Variants in POU2F2 observed in about 807,000 individuals in gnomAD.
POU2F2 encodes the protein POU domain, class 2, transcription factor 2.
Under a neutral mutation model 63.5 loss-of-function variants are expected in POU2F2, and 14 were observed. That is an observed-to-expected ratio of 0.22 (90% CI 0.15 to 0.34). The LOEUF (loss-of-function observed/expected upper bound fraction) is 0.34, where lower values mean the gene tolerates loss of function less well. POU2F2 is among the 10% of genes least tolerant of loss of function. POU2F2 has a pLI of 1.00. For synonymous variants in POU2F2, 306 were observed against 348.6 expected (o/e 0.88, Z 1.36); for missense variants, 607 against 815.2 (o/e 0.74, Z 3.11).
At chr19:42,121,354 C>A (rs1568387544) in intron 4 of POU2F2, among the ~76,000 whole-genome samples, 1 of 152,164 alleles carries the variant, frequency 6.6e-6, no homozygotes, top group Non-Finnish European at 1.5e-5. Flanking sequence ...ATGGAGGCAA[C>A]CACAGAGGCC....
intron 5 of POU2F2, among the ~76,000 whole-genome samples, chr19:42,100,085 CTTTTTTTTTTTTTTTTTTTT>C (rs948283094): frequency 1.3e-5 from 1 of 77,068 alleles, no homozygotes. Context: ...CCCTTTCTTT[CTTTTTTTTTTTTTTTTTTTT>C]TTTTTTTTTT....
intron 1 of POU2F2, among the ~76,000 whole-genome samples, chr19:42,191,060 C>T (rs1422422355): frequency 1.5e-5 from 2 of 133,624 alleles, no homozygotes; most frequent in Non-Finnish European, 3.1e-5. Flanking sequence ...GGTGACAGAG[C>T]GAGACTCAGT....
At position 42,087,109 on chromosome 19, in the gene POU2F2, A is replaced by T. The variant is rs2076574607; in HGVS notation, c.*4148T>A. The T allele has an allele frequency of 1.4e-5, 2 of 142,806 alleles. No individual in the cohort carries two copies. The highest frequency in any genetic ancestry group is 2.0e-4 in the East Asian group (1 of 5,024). 8.8% of individuals were successfully genotyped at this position (142,806 alleles called of 1,614,324 possible). ...AATTTTTTTTCACTTTTTTTCCAAC[A>T]TATAAAAAGGTAGCGGAGTTGTCTG... On this transcript the variant is annotated 3_prime_UTR_variant, in exon 15 of 15. Transcript: ENST00000692977.
chr19:42,121,956 C>T lies in POU2F2; in HGVS notation c.186+170G>A, dbSNP rs915482495. 44 of 683,890 alleles carry T rather than the reference C, an allele frequency of 6.4e-5. No individual in the cohort carries two copies. The South Asian group carries it at 6.5e-4, about 10-fold the overall frequency. The allele number at this position is 683,890 out of a possible 1,614,324, so 42.4% of individuals were successfully genotyped here. A position where few individuals can be genotyped will look rare whatever the true frequency, so the allele number is the denominator to read the frequency against. ...CCCCTAGGGAAGGGGAAGGAGCCTG[C>T]GTGAGTCACAGGCCTGGGGTGGGAG... On this transcript the variant is annotated intron_variant, in intron 4 of 14. Transcript: ENST00000692977.
Position 42,092,005 on chromosome 19 carries a change from T to C in POU2F2, c.1466+64A>G. On this transcript the variant is annotated intron_variant, in intron 13 of 14. Transcript: ENST00000692977. This position sits in a 1 kb window ranked among gnomAD's most constrained non-coding sequence, Gnocchi z 5.0. ...CCTGCCAACATAACTGGGGTGCCGC[T>C]CCCCACCCTAGAAGCAGCAGCGACC... 1 of 1,542,076 alleles carries C rather than the reference T, an allele frequency of 6.5e-7. No individual in the cohort carries two copies. The highest frequency in any genetic ancestry group is 2.0e-5 in the Admixed American group (1 of 49,298).
At position 42,169,401 on chromosome 19, in the gene POU2F2, C is replaced by T. The variant is rs903701408; in HGVS notation, c.-70+6562G>A. Among the ~76,000 whole-genome samples, 7 of 152,256 alleles carry T rather than the reference C, an allele frequency of 4.6e-5. No homozygotes were observed. Among genetic ancestry groups the T allele is most frequent in the Non-Finnish European group, 8.8e-5 (6 of 68,050 alleles). ...AGAGGTCTCAGCACCTATGTGCCTG[C>T]ACAGACATCTGGGTTTTCATACCTG... On this transcript the variant is annotated intron_variant, in intron 1 of 6. Coordinates refer to the POU2F2 transcript ENST00000524801. This position sits in a 1 kb window ranked among gnomAD's most constrained non-coding sequence, Gnocchi z 4.3.
Position 42,132,417 on chromosome 19 carries a change from C to T in POU2F2, c.-6G>A. Reference sequence around the variant, plus strand: ...CCCATGCTGGAGTGAACCATGCTGCCCGCCCCGCCAGGGCTGGGGGAACAA... The same window carrying T: ...CCCATGCTGGAGTGAACCATGCTGCTCGCCCCGCCAGGGCTGGGGGAACAA... On this transcript the variant is annotated 5_prime_UTR_variant, in exon 1 of 15. Coordinates refer to ENST00000692977, the MANE Select transcript of POU2F2 (RefSeq NM_001394376.1). The T allele has an allele frequency of 6.6e-7, 1 of 1,507,434 alleles. No homozygotes were observed. The highest frequency in any genetic ancestry group is 8.8e-7 in the Non-Finnish European group (1 of 1,131,058). The allele number at this position is 1,507,434 out of a possible 1,614,324, so 93.4% of individuals were successfully genotyped here.
chr19:42,116,880 G>T, intron 5 of POU2F2: 1 of 457,168 alleles, frequency 2.2e-6, no homozygotes, highest in East Asian at 6.3e-5. Flanking sequence ...AGGCGGAGGC[G>T]GCGGCGGCGG....
In POU2F2 at chr19:42,107,867, C is replaced by G. The variant is rs1356066891; in HGVS notation, c.370-8046G>C. ...TCCTGCATGGCCTGCCCACCACCCC[C>G]GCTTACCTCTCCTTCCTTGCCTCAC... On this transcript the variant is annotated intron_variant, in intron 5 of 14. Transcript: ENST00000692977. Among the ~76,000 whole-genome samples the G allele has an allele frequency of 2.0e-5, 3 of 152,170 alleles. No individual in the cohort carries two copies. In the East Asian group the frequency reaches 5.8e-4, roughly 29 times the overall value.
At chr19:42,154,517 A>T (rs1339337452) in intron 2 of POU2F2, among the ~76,000 whole-genome samples, 1 of 152,128 alleles carries the variant, frequency 6.6e-6, no homozygotes, top group Non-Finnish European at 1.5e-5. Flanking sequence ...AAACCCAGTG[A>T]TGGAGCCACA....
rs529928444 is a variant in POU2F2 at position 42,191,786 on chromosome 19, G to A, written c.-70+4597C>T. Among the ~76,000 whole-genome samples, 10 of 152,302 alleles carry A rather than the reference G, an allele frequency of 6.6e-5. No individual in the cohort carries two copies. In the South Asian group the frequency reaches 1.0e-3, roughly 16 times the overall value. On this transcript the variant is annotated intron_variant, in intron 1 of 5. Transcript: ENST00000532176. ...AGGCAGGTGCTGGGATCAGAGAGCAGGATGCTGGATTTTGAACTGGGTTGT... is the reference window on the plus strand; with the variant it reads ...AGGCAGGTGCTGGGATCAGAGAGCAAGATGCTGGATTTTGAACTGGGTTGT...
chr19:42,139,879 C>A (rs2034093190), intron 2 of POU2F2, among the ~76,000 whole-genome samples: 1 of 152,188 alleles, frequency 6.6e-6, no homozygotes, highest in Non-Finnish European at 1.5e-5. Context: ...ACTCGGCAAC[C>A]CACTTACTCC....
chr19:42,108,644 G>A (rs574045475), intron 5 of POU2F2, among the ~76,000 whole-genome samples: 14 of 152,298 alleles, frequency 9.2e-5, no homozygotes, highest in African/African-American at 2.4e-4. Flanking sequence ...GGAACAGTAA[G>A]TTGGCTCAGG....
At chr19:42,125,957 G>C (rs1484839812) in intron 1 of POU2F2, among the ~76,000 whole-genome samples, 7 of 152,190 alleles carry the variant, frequency 4.6e-5, no homozygotes, top group African/African-American at 1.7e-4. Context: ...GGACCCCACT[G>C]CCAGCCCAGA....
intron 2 of POU2F2, among the ~76,000 whole-genome samples, chr19:42,140,932 C>T (rs1033857313): frequency 2.0e-5 from 3 of 152,198 alleles, no homozygotes; most frequent in Non-Finnish European, 4.4e-5. Flanking sequence ...AGCTATCTCA[C>T]CCTCAGAGCT....
intron 1 of POU2F2, among the ~76,000 whole-genome samples, chr19:42,188,270 G>A (rs2035034548): frequency 6.6e-6 from 1 of 151,900 alleles, no homozygotes; most frequent in Non-Finnish European, 1.5e-5. Context: ...GGAGGCTGAG[G>A]TGGGAGGATC....
chr19:42,095,957 G>A lies in POU2F2; in HGVS notation c.730-28C>T, dbSNP rs1176973136. On this transcript the variant is annotated intron_variant, in intron 8 of 14. Coordinates refer to ENST00000692977, the MANE Select transcript of POU2F2 (RefSeq NM_001394376.1). The surrounding 1 kb of genome is among the most constrained non-coding windows in gnomAD (Gnocchi z 7.1). The stretch of plus-strand genomic sequence containing the variant: ...GGGCCAGTGGGGCGGGGAAGGGCCC[G>A]AAGTCAGGGTGGGGCCTTCCGGCAC... The A allele has an allele frequency of 6.2e-7, 1 of 1,608,050 alleles. No homozygotes were observed. The highest frequency in any genetic ancestry group is 1.7e-5 in the Admixed American group (1 of 59,710).
intron 11 of POU2F2, among the ~76,000 whole-genome samples, chr19:42,094,359 C>T (rs2076842522): frequency 6.6e-6 from 1 of 152,146 alleles, no homozygotes; most frequent in African/African-American, 2.4e-5. Flanking sequence ...TAAATGGATG[C>T]ATATCTTTGC....
chr19:42,168,900 G>A (rs1170865068), intron 1 of POU2F2, among the ~76,000 whole-genome samples: 1 of 152,162 alleles, frequency 6.6e-6, no homozygotes, highest in Non-Finnish European at 1.5e-5. Flanking sequence ...ATGCCCTCCT[G>A]TAGCCCCTTT....
Sources: allele counts gnomAD v4.1 joint callset (sites outside exome capture counted in the v4.1 genomes callset), GRCh38; gene constraint gnomAD v4.1.1; non-coding constraint Gnocchi (gnomAD v3.1); transcripts MANE v1.5; gene names NCBI Gene and HGNC (gene_info 2026-07-23, HGNC 2026-07-21).